The following COL6A2 variants were observed in gnomAD, a reference collection of about 807,000 sequenced individuals.
The protein encoded by COL6A2 is collagen alpha-2(VI) chain.
COL6A2 carries 90 observed loss-of-function variants against 124.9 expected under a neutral mutation model. The observed-to-expected ratio is 0.72, with a 90% CI of 0.61 to 0.86. The LOEUF (loss-of-function observed/expected upper bound fraction) is 0.86. COL6A2 is among the 40% of genes least tolerant of loss of function. The pLI, the probability that COL6A2 is intolerant of heterozygous loss-of-function variation, is 0.00. For synonymous variants in COL6A2, 793 were observed against 618.2 expected (o/e 1.28, Z -4.19); for missense variants, 1,607 against 1,502.5 (o/e 1.07, Z -1.15).
At chr21:46,118,988 G>A (rs778939772) in intron 13 of COL6A2, 42 bp from the exon 14 acceptor site, 1 of 1,461,462 alleles carries the variant, frequency 6.8e-7, no homozygotes, top group Non-Finnish European at 9.6e-7. Context: ...ATGCCTCAGG[G>A]CCCCTGCCTC....
At chr21:46,128,011 G>A (rs1002565003) in intron 27 of COL6A2, among the ~76,000 whole-genome samples, 6 of 152,202 alleles carry the variant, frequency 3.9e-5, no homozygotes, top group Admixed American at 6.5e-5. Context: ...GAGGGTTTGC[G>A]CTTATCGGCG....
intron 1 of COL6A2, among the ~76,000 whole-genome samples, chr21:46,103,685 A>C (rs2078309661): frequency 6.6e-6 from 1 of 152,088 alleles, no homozygotes; most frequent in South Asian, 2.1e-4. Context: ...GGTGTTGTTT[A>C]ATTTCGTGAT....
chr21:46,131,181 AG>A (rs2078755672), intron 27 of COL6A2, among the ~76,000 whole-genome samples: 1 of 152,194 alleles, frequency 6.6e-6, no homozygotes, highest in South Asian at 2.1e-4. Context: ...GTGAGGCCAC[AG>A]GGCCAGGTCC....
chr21:46,118,283 C>T (rs2078508054), intron 12 of COL6A2, among the ~76,000 whole-genome samples: 1 of 152,152 alleles, frequency 6.6e-6, no homozygotes, highest in Admixed American at 6.5e-5. Context: ...TGTCGCCCCG[C>T]CCCTGGCGGC....
intron 1 of COL6A2, 134 bp downstream of exon 1, chr21:46,098,307 G>T (rs1247534899): frequency 6.6e-6 from 1 of 152,348 alleles, no homozygotes; most frequent in South Asian, 2.0e-4. Flanking sequence ...CAGGGACGGC[G>T]GGGGGCTCGG....
chr21:46,132,009 C>T lies in COL6A2; in HGVS notation c.2517C>T (p.Asp839=), dbSNP rs113002150. ...CCGTGGACATCGTCTTCCTGCTGGA[C>T]GGCTCCGAGCGGCTGGGTGAGCAGA... The part of the protein sequence containing the change: ...QRPVDIVFLL[D]GSERLGEQNF... Residue 839 remains aspartate, a synonymous_variant, in exon 28 of 28, where the codon GAC becomes GAT. Coordinates refer to ENST00000300527, the MANE Select transcript of COL6A2 (RefSeq NM_001849.4). 4.2e-4 allele frequency: 670 copies of T among 1,609,770 alleles called. 3 individuals carry two copies. The highest frequency in any genetic ancestry group is 9.9e-4 in the Middle Eastern group (6 of 6,078).
chr21:46,126,527 T>C lies in COL6A2; in HGVS notation c.2447T>C (p.Leu816Pro), dbSNP rs2078672117. 1.9e-6 allele frequency: 3 copies of C among 1,613,088 alleles called. No homozygotes were observed. In the East Asian group the frequency reaches 6.7e-5, roughly 36 times the overall value. Residue 816 changes from leucine to proline, a missense_variant, in exon 27 of 28, where the codon CTT (leucine) becomes CCT (proline). By Grantham distance (98) the Leu-to-Pro change is moderately conservative. This residue lies in a region of COL6A2 where 1,223 missense variants were observed against 1,052.2 expected (regional missense o/e 1.16). Coordinates refer to ENST00000300527, the MANE Select transcript of COL6A2 (RefSeq NM_001849.4). ...GACCCTCAGATCGTGTGCCCAGACCTTCCCTGCCAAACAGGTAATGCAGGG... is the reference window on the plus strand; with the variant it reads ...GACCCTCAGATCGTGTGCCCAGACCCTCCCTGCCAAACAGGTAATGCAGGG... ...CPDPQIVCPD[L>P]PCQTELSVAQ...
Position 46,122,760 on chromosome 21 carries a change from C to T in COL6A2, c.1609-115C>T, listed in dbSNP as rs527656517. On this transcript the variant is annotated intron_variant, in intron 20 of 27. Coordinates refer to ENST00000300527, the MANE Select transcript of COL6A2 (RefSeq NM_001849.4). The stretch of plus-strand genomic sequence containing the variant: ...GCTTTGCAAAAAAACCACATAGATG[C>T]TCCCGTTTAAAGGACCCCAAAATGC... 7.0e-6 allele frequency: 8 copies of T among 1,137,414 alleles called. No homozygotes were observed. The East Asian group carries it at 1.7e-4, about 25-fold the overall frequency. The allele number at this position is 1,137,414 out of a possible 1,614,324, so 70.5% of individuals were successfully genotyped here. A position where few individuals can be genotyped will look rare whatever the true frequency, so the allele number is the denominator to read the frequency against.
At position 46,132,723 on chromosome 21, in the gene COL6A2, C is replaced by A; in HGVS notation, c.*171C>A. ...CCGTAGCCCCGGCCCCCGCCCAGCCCCAGGTCTCCCCAGGCCCTCCGCAGG... is the reference window on the plus strand; with the variant it reads ...CCGTAGCCCCGGCCCCCGCCCAGCCACAGGTCTCCCCAGGCCCTCCGCAGG... On this transcript the variant is annotated 3_prime_UTR_variant, in exon 28 of 28. Coordinates refer to ENST00000300527, the MANE Select transcript of COL6A2 (RefSeq NM_001849.4). The A allele has an allele frequency of 1.5e-6, 1 of 670,026 alleles. No homozygotes were observed. Among genetic ancestry groups the A allele is most frequent in the Non-Finnish European group, 2.6e-6 (1 of 391,898 alleles). The allele number at this position is 670,026 out of a possible 1,614,324, so 41.5% of individuals were successfully genotyped here. A position where few individuals can be genotyped will look rare whatever the true frequency, so the allele number is the denominator to read the frequency against.
chr21:46,120,368 C>G, intron 15 of COL6A2, 147 bp from the exon 16 acceptor site: 1 of 660,390 alleles, frequency 1.5e-6, no homozygotes, highest in Non-Finnish European at 2.6e-6. Context: ...ATGGGTGAAA[C>G]AGGCGACTGT....
intron 2 of COL6A2, 36 bp downstream of exon 2, chr21:46,111,627 TGGG>T (rs572064158): frequency 4.3e-6 from 4 of 931,494 alleles, no homozygotes; most frequent in Admixed American, 2.1e-5. Context: ...TCTGGGCATT[TGGG>T]GGGCAGTTGG....
chr21:46,127,781 C>T (rs540387001), intron 27 of COL6A2, among the ~76,000 whole-genome samples: 89 of 152,308 alleles, frequency 5.8e-4, no homozygotes, highest in African/African-American at 1.8e-3. Flanking sequence ...ATGGCTTCCC[C>T]TCCACTCCAG....
chr21:46,125,623 CGGGGCA>C lies in COL6A2; in HGVS notation c.1969+12_1969+17del. ...GGACCCCAAGTCCGAGACAGGTCAG[CGGGGCA>C]GGGGCGGGTGCAGCATTGCGGGGGG... On this transcript the variant is annotated splice_region_variant and intron_variant, in intron 25 of 27. Transcript: ENST00000300527. 1.0e-6 allele frequency: 1 copy of C among 990,420 alleles called. No individual in the cohort carries two copies. 61.4% of individuals were successfully genotyped at this position (990,420 alleles called of 1,614,324 possible). A position where few individuals can be genotyped will look rare whatever the true frequency, so the allele number is the denominator to read the frequency against.
Position 46,120,383 on chromosome 21 carries a change from G to A in COL6A2, c.1333-132G>A, listed in dbSNP as rs564217071. 4.0e-4 allele frequency: 278 copies of A among 698,410 alleles called. 1 individual carries two copies. In the African/African-American group the frequency reaches 4.5e-3, roughly 11 times the overall value. The allele number at this position is 698,410 out of a possible 1,614,324, so 43.3% of individuals were successfully genotyped here. Reference sequence around the variant, plus strand: ...ATGGGTGAAACAGGCGACTGTTGCAGGTCCCCCGGGACAGACGGGGTTCTT... The same window carrying A: ...ATGGGTGAAACAGGCGACTGTTGCAAGTCCCCCGGGACAGACGGGGTTCTT... On this transcript the variant is annotated intron_variant, in intron 15 of 27. Coordinates refer to ENST00000300527, the MANE Select transcript of COL6A2 (RefSeq NM_001849.4).
At chr21:46,124,156 T>G (rs923958673) in intron 21 of COL6A2, among the ~76,000 whole-genome samples, 2 of 149,016 alleles carry the variant, frequency 1.3e-5, no homozygotes, top group African/African-American at 5.0e-5. Context: ...AGTGGATAGA[T>G]AGATGGGTGG....
chr21:46,129,906 T>C lies in COL6A2; in HGVS notation c.2462-2048T>C, dbSNP rs2078738586. ...CCCTTACTTAGCGGCCCAGCTGGGC[T>C]GCCGTGCGTCTGGGATGGGGCTGAG... On this transcript the variant is annotated intron_variant, in intron 27 of 27. Transcript: ENST00000300527. 5 of 957,166 alleles carry C rather than the reference T, an allele frequency of 5.2e-6. No individual in the cohort carries two copies. In the South Asian group the frequency reaches 1.4e-4, roughly 26 times the overall value. The allele number at this position is 957,166 out of a possible 1,614,324, so 59.3% of individuals were successfully genotyped here. A position where few individuals can be genotyped will look rare whatever the true frequency, so the allele number is the denominator to read the frequency against.
Position 46,131,951 on chromosome 21 carries a change from C to A in COL6A2, c.2462-3C>A. 1.3e-6 allele frequency: 2 copies of A among 1,596,724 alleles called. No individual in the cohort carries two copies. The highest frequency in any genetic ancestry group is 1.1e-5 in the South Asian group (1 of 88,756). On this transcript the variant is annotated splice_region_variant and splice_polypyrimidine_tract_variant and intron_variant, in intron 27 of 27. Coordinates refer to ENST00000300527, the MANE Select transcript of COL6A2 (RefSeq NM_001849.4). ...CCCAGCCCGCACCTGCGTCTCCCCACAGAGCTGTCCGTGGCACAGTGCACG... is the reference window on the plus strand; with the variant it reads ...CCCAGCCCGCACCTGCGTCTCCCCAAAGAGCTGTCCGTGGCACAGTGCACG...
intron 24 of COL6A2, 28 bp downstream of exon 24, chr21:46,125,339 G>T (rs202049274): frequency 2.5e-4 from 396 of 1,607,164 alleles, no homozygotes; most frequent in Non-Finnish European, 3.2e-4. Context: ...GCAGGGTCGG[G>T]GCCCATGCAC....
intron 27 of COL6A2, chr21:46,129,581 CAG>C: frequency 6.9e-7 from 1 of 1,449,938 alleles, no homozygotes; most frequent in South Asian, 1.4e-5. Flanking sequence ...CAGTGGAGGC[CAG>C]AGATCTGGAA....
Sources: allele counts gnomAD v4.1 joint callset (sites outside exome capture counted in the v4.1 genomes callset), GRCh38; gene constraint gnomAD v4.1.1; regional missense constraint gnomAD v4.1.1; transcripts MANE v1.5; gene names NCBI Gene and HGNC (gene_info 2026-07-23, HGNC 2026-07-21).